SUN1: variants seen among roughly 807,000 people sequenced by gnomAD.
SUN1 encodes the protein Sad1 and UNC84 domain containing 1.
In SUN1, 61 loss-of-function variants were observed where a neutral mutation model predicts 103.2. The ratio of observed to expected loss-of-function variants is 0.59; its 90% CI spans 0.48 to 0.73. The LOEUF (loss-of-function observed/expected upper bound fraction) is 0.73. SUN1 is among the 30% of genes least tolerant of loss of function. SUN1 has a pLI of 0.00. For missense variants in SUN1, 1,052 were observed against 1,034.6 expected, an observed-to-expected ratio of 1.02 and a Z score of -0.23; for synonymous variants, 490 against 425.7, an observed-to-expected ratio of 1.15 and a Z score of -1.86.
chr7:835,149 G>C (rs1801782388), intron 1 of SUN1, among the ~76,000 whole-genome samples: 2 of 152,232 alleles, frequency 1.3e-5, no homozygotes, highest in South Asian at 4.1e-4. Flanking sequence ...ATAGTGACAA[G>C]CCCATTTGCC....
rs537602092 is a variant in SUN1, at chr7:851,448, G to A, written c.723G>A (p.Ala241=). The change falls in exon 6 of 19, where the codon GCG becomes GCA. Residue 241 remains alanine, a synonymous_variant. Coordinates refer to ENST00000401592, the MANE Select transcript of SUN1 (RefSeq NM_001130965.3). ...TGGGCCAGGCTGTGTCCAGGACGGCGTGGTCGGCCCTTTGGCTGGCCGTGG... is the reference window on the plus strand; with the variant it reads ...TGGGCCAGGCTGTGTCCAGGACGGCATGGTCGGCCCTTTGGCTGGCCGTGG... ...GAVGQAVSRT[A]WSALWLAVVA... 4.0e-5 allele frequency: 64 copies of A among 1,609,928 alleles called. No individual in the cohort carries two copies. The South Asian group carries it at 6.4e-4, about 16-fold the overall frequency.
chr7:823,022 G>A (rs4721506), intron 1 of SUN1, among the ~76,000 whole-genome samples: 17,133 of 152,214 alleles, frequency 0.11, 1,169 homozygotes, highest in South Asian at 0.23. Flanking sequence ...CTGTGGCCAC[G>A]CATGAATTCC....
intron 1 of SUN1, among the ~76,000 whole-genome samples, chr7:823,026 G>T (rs972500144): frequency 1.3e-5 from 2 of 152,250 alleles, no homozygotes; most frequent in East Asian, 1.9e-4. Flanking sequence ...GGCCACGCAT[G>T]AATTCCTGTA....
chr7:869,705 G>A (rs184478680), intron 17 of SUN1, among the ~76,000 whole-genome samples, 189 bp downstream of exon 17: 4 of 152,286 alleles, frequency 2.6e-5, no homozygotes. Context: ...CATATTACCT[G>A]ATGTCCATTT....
At chr7:817,925 T>C (rs1782364598) in intron 1 of SUN1, among the ~76,000 whole-genome samples, 1 of 152,210 alleles carries the variant, frequency 6.6e-6, no homozygotes. Context: ...TTGTTCTACT[T>C]TCTAGATTTC....
At chr7:830,989 A>G (rs1360856740), upstream of SUN1, 9 of 985,460 alleles carry the variant, frequency 9.1e-6, no homozygotes, top group Admixed American at 6.1e-5. Context: ...GGTAGCCTAC[A>G]TTGGATCCAG....
chr7:835,864 G>A (rs1281027158), intron 1 of SUN1, among the ~76,000 whole-genome samples: 1 of 152,240 alleles, frequency 6.6e-6, no homozygotes, highest in Non-Finnish European at 1.5e-5. Context: ...GATCCAGGGG[G>A]GCTGGAGACA....
At chr7:859,672 A>G (rs955112464) in intron 13 of SUN1, among the ~76,000 whole-genome samples, 4 of 152,240 alleles carry the variant, frequency 2.6e-5, no homozygotes, top group African/African-American at 9.6e-5. Flanking sequence ...AGGTATACAC[A>G]TATGTGTTTG....
Position 874,334 on chromosome 7 carries a change from ACT to A in SUN1, c.*1006_*1007del, listed in dbSNP as rs1432916511. ...ACCATTCTCACGTGATTCTTGTGAG[ACT>A]CTTTTTGGTTATAATTACTATTTAA... is the stretch of plus-strand genomic sequence containing the variant. On this transcript the variant is annotated 3_prime_UTR_variant, in exon 19 of 19. Transcript: ENST00000401592. 4 of 152,086 alleles carry A rather than the reference ACT, an allele frequency of 2.6e-5. No homozygotes were observed. The highest frequency in any genetic ancestry group is 4.4e-5 in the Non-Finnish European group (3 of 67,940). The allele number at this position is 152,086 out of a possible 1,614,324, so 9.4% of individuals were successfully genotyped here. A position where few individuals can be genotyped will look rare whatever the true frequency, so the allele number is the denominator to read the frequency against.
intron 17 of SUN1, among the ~76,000 whole-genome samples, chr7:872,027 C>T (rs1024674498): frequency 1.3e-5 from 2 of 152,194 alleles, no homozygotes; most frequent in Non-Finnish European, 2.9e-5. Flanking sequence ...GGCACTCGCT[C>T]CCTTCTGCCT....
chr7:854,201 C>T (rs946117399), intron 10 of SUN1, among the ~76,000 whole-genome samples: 2 of 152,336 alleles, frequency 1.3e-5, no homozygotes, highest in Non-Finnish European at 1.5e-5. Flanking sequence ...CACTTTAGCA[C>T]GGATTGAGCC....
chr7:851,347 G>T (rs1446113822), intron 5 of SUN1, 37 bp from the exon 6 acceptor site: 1 of 1,540,164 alleles, frequency 6.5e-7, no homozygotes, highest in East Asian at 2.4e-5. Flanking sequence ...CTGGTCCCTG[G>T]CGTCTGTCTG....
Position 856,134 on chromosome 7 carries a change from C to T in SUN1, c.1351-224C>T, listed in dbSNP as rs117134010. The stretch of plus-strand genomic sequence containing the variant: ...TTACAGGAGCTGCATGTTCTGAGCC[C>T]GCCAGGCCGTTCTCATGTGATTTGT... On this transcript the variant is annotated intron_variant, in intron 11 of 18. Coordinates refer to ENST00000401592, the MANE Select transcript of SUN1 (RefSeq NM_001130965.3). Among the ~76,000 whole-genome samples, 470 of 152,312 alleles carry T rather than the reference C, an allele frequency of 3.1e-3. 1 individual carries two copies. Among genetic ancestry groups the T allele is most frequent in the Admixed American group, 5.1e-3 (78 of 15,308 alleles).
In SUN1 at chr7:841,983, T is replaced by G; in HGVS notation, c.304T>G (p.Phe102Val). 6.2e-7 allele frequency: 1 copy of G among 1,614,170 alleles called. No individual in the cohort carries two copies. The highest frequency in any genetic ancestry group is 8.5e-7 in the Non-Finnish European group (1 of 1,180,044). Residue 102 changes from phenylalanine to valine, a missense_variant, in exon 3 of 19, where the codon TTT becomes GTT. Phe to Val is a conservative substitution (Grantham distance 50). Coordinates refer to ENST00000401592, the MANE Select transcript of SUN1 (RefSeq NM_001130965.3). ...KQRRSTNKSA[F>V]SINHVSRQVT... Reference sequence around the variant, plus strand: ...GCGCAGAAGCACAAACAAATCAGCTTTTAGTATCAACCACGTGTCAAGGCA... The same window carrying G: ...GCGCAGAAGCACAAACAAATCAGCTGTTAGTATCAACCACGTGTCAAGGCA...
In SUN1 at chr7:860,320, C is replaced by T; in HGVS notation, c.1717C>T (p.Pro573Ser). The stretch of plus-strand genomic sequence containing the variant: ...CCACGTTTCCGTGACCAAGCAGCTC[C>T]CAACCTCAGAAGCCGTGGTGTCTGC... ...THHVSVTKQL[P>S]TSEAVVSAVS... Residue 573 changes from proline (P) to serine (S), a missense_variant, in exon 14 of 19, where the codon CCA (proline) becomes TCA (serine). By Grantham distance (74) the Pro-to-Ser change is moderately conservative. Around this residue, in one of 2 missense-constraint regions of SUN1, gnomAD observed 846 missense variants for 774.5 expected, o/e 1.09. Transcript: ENST00000401592. 1 of 1,614,248 alleles carries T rather than the reference C, an allele frequency of 6.2e-7. No homozygotes were observed. Among genetic ancestry groups the T allele is most frequent in the Non-Finnish European group, 8.5e-7 (1 of 1,180,052 alleles).
rs1824073656 is a variant in SUN1, at chr7:853,393, T to C, written c.1054-16T>C. The C allele has an allele frequency of 6.2e-7, 1 of 1,612,824 alleles. No individual in the cohort carries two copies. Among genetic ancestry groups the C allele is most frequent in the Non-Finnish European group, 8.5e-7 (1 of 1,180,002 alleles). On this transcript the variant is annotated splice_polypyrimidine_tract_variant and intron_variant, in intron 9 of 18. Coordinates refer to ENST00000401592, the MANE Select transcript of SUN1 (RefSeq NM_001130965.3). ...TTGTTTGACTACCTGGTTTCATTTC[T>C]CTCTTGCCATTTCAGGGTGACAGTG...
At chr7:838,517 C>A (rs1307593841) in intron 1 of SUN1, among the ~76,000 whole-genome samples, 1 of 152,174 alleles carries the variant, frequency 6.6e-6, no homozygotes, top group Non-Finnish European at 1.5e-5. Context: ...CATATGCCCT[C>A]AAGCAGTTCT....
At chr7:852,538 A>AG (rs1243579669) in intron 7 of SUN1, 71 bp from the exon 8 acceptor site, 2 of 1,590,916 alleles carry the variant, frequency 1.3e-6, no homozygotes, top group Non-Finnish European at 1.7e-6. Flanking sequence ...AATTATCTAG[A>AG]GGGGGAAAAC....
At chr7:815,558 C>T (rs1780114235), upstream of SUN1, among the ~76,000 whole-genome samples, 1 of 151,150 alleles carries the variant, frequency 6.6e-6, no homozygotes, top group Non-Finnish European at 1.5e-5. Context: ...GCCTGGACAA[C>T]GGGAGGGAGA....
Sources: gnomAD v4.1 joint callset for allele counts (sites outside exome capture counted in the v4.1 genomes callset) on GRCh38, gnomAD v4.1.1 for gene constraint, gnomAD v4.1.1 regional missense constraint, MANE v1.5 for transcripts, NCBI Gene and HGNC (gene_info 2026-07-23, HGNC 2026-07-21) for gene names.